FAM169A: variants seen among roughly 807,000 people sequenced by gnomAD.
FAM169A encodes soluble lamin-associated protein of 75 kDa.
In FAM169A, 24 loss-of-function variants were observed where a neutral mutation model predicts 75.7. The ratio of observed to expected loss-of-function variants is 0.32; its 90% confidence interval spans 0.23 to 0.45. FAM169A has a LOEUF of 0.45. FAM169A is among the 20% of genes least tolerant of loss of function. The probability of loss-of-function intolerance (pLI) is 1.00; values close to 1 mark genes in which losing one functional copy is unlikely to be tolerated. For missense variants in FAM169A, 673 were observed against 784.0 expected, an observed-to-expected ratio of 0.86 and a Z score of 1.69; for synonymous variants, 271 against 271.0, an observed-to-expected ratio of 1.00 and a Z score of 0.00.
intron 6 of FAM169A, among the ~76,000 whole-genome samples, chr5:74,813,326 G>T (rs551544687): frequency 6.6e-6 from 1 of 151,816 alleles, no homozygotes; most frequent in East Asian, 1.9e-4. Flanking sequence ...GTTTTGTTTG[G>T]TTTGGGATTT....
intron 5 of FAM169A, among the ~76,000 whole-genome samples, chr5:74,833,102 T>C (rs1283626796): frequency 1.3e-5 from 2 of 152,106 alleles, no homozygotes; most frequent in African/African-American, 4.8e-5. Context: ...GTGTCTTTCA[T>C]AGAAAGAAGC....
At chr5:74,799,727 G>C in intron 10 of FAM169A, 2 of 1,183,918 alleles carry the variant, frequency 1.7e-6, no homozygotes, top group Non-Finnish European at 2.5e-6. Context: ...TGAAGACGGA[G>C]TTCCAGCTGC....
chr5:74,843,043 C>T (rs898894490), intron 1 of FAM169A, among the ~76,000 whole-genome samples: 1 of 149,306 alleles, frequency 6.7e-6, no homozygotes, highest in Admixed American at 6.7e-5. Context: ...ATACATACAA[C>T]GTAACAGTAA....
intron 5 of FAM169A, among the ~76,000 whole-genome samples, chr5:74,823,408 C>T (rs1747862195): frequency 6.6e-6 from 1 of 152,154 alleles, no homozygotes; most frequent in African/African-American, 2.4e-5. Flanking sequence ...ATCACTTTCC[C>T]AGTCACACCT....
intron 1 of FAM169A, among the ~76,000 whole-genome samples, chr5:74,842,128 T>TA (rs971383421): frequency 1.1e-4 from 16 of 150,458 alleles, no homozygotes; most frequent in Non-Finnish European, 1.9e-4. Flanking sequence ...AAAAAAAATC[T>TA]AAAAAAAATC....
In FAM169A at chr5:74,777,663, A is replaced by G. The variant is rs886839986; in HGVS notation, c.*3797T>C. Reference sequence around the variant, plus strand: ...ATTGTGCCTTTAACAAAGTCATTCAATGTCTAAACAAATTCAGTATCTGAA... The same window carrying G: ...ATTGTGCCTTTAACAAAGTCATTCAGTGTCTAAACAAATTCAGTATCTGAA... On this transcript the variant is annotated 3_prime_UTR_variant, in exon 13 of 13. Coordinates refer to ENST00000687041, the MANE Select transcript of FAM169A (RefSeq NM_001376049.1). 2.6e-5 allele frequency: 4 copies of G among 152,078 alleles called. No individual in the cohort carries two copies. The highest frequency in any genetic ancestry group is 4.8e-5 in the African/African-American group (2 of 41,454). The allele number at this position is 152,078 out of a possible 1,614,324, so 9.4% of individuals were successfully genotyped here. A position where few individuals can be genotyped will look rare whatever the true frequency, so the allele number is the denominator to read the frequency against.
chr5:74,839,212 C>G (rs1474808705), intron 3 of FAM169A, among the ~76,000 whole-genome samples, 162 bp from the exon 4 acceptor site: 1 of 151,968 alleles, frequency 6.6e-6, no homozygotes, highest in Non-Finnish European at 1.5e-5. Context: ...TCATTTATAC[C>G]ATTTTTATTT....
intron 1 of FAM169A, among the ~76,000 whole-genome samples, chr5:74,843,044 G>A (rs557782339): frequency 6.6e-6 from 1 of 150,978 alleles, no homozygotes; most frequent in South Asian, 2.1e-4. Context: ...TACATACAAC[G>A]TAACAGTAAG....
At chr5:74,799,461 G>C in intron 10 of FAM169A, 1 of 1,611,820 alleles carries the variant, frequency 6.2e-7, no homozygotes. Context: ...ACAATGTTTT[G>C]CTGGCAGCAG....
intron 10 of FAM169A, chr5:74,799,700 G>A: frequency 8.0e-7 from 1 of 1,256,470 alleles, no homozygotes; most frequent in Non-Finnish European, 1.2e-6. Flanking sequence ...GCCTCAAAAA[G>A]TGTGCATGTC....
chr5:74,863,827 C>T (rs1409897776), intron 1 of FAM169A, among the ~76,000 whole-genome samples: 1 of 151,854 alleles, frequency 6.6e-6, no homozygotes, highest in Non-Finnish European at 1.5e-5. Flanking sequence ...ATAACAGAAT[C>T]AATGTAAAAG....
intron 5 of FAM169A, among the ~76,000 whole-genome samples, chr5:74,829,680 T>C (rs6897698): frequency 0.23 from 35,211 of 151,918 alleles, 4,299 homozygotes; most frequent in Middle Eastern, 0.3. Flanking sequence ...AAACGACCCT[T>C]TACAAGAAGC....
intron 11 of FAM169A, among the ~76,000 whole-genome samples, chr5:74,789,810 G>A (rs1745883384): frequency 6.6e-6 from 1 of 152,222 alleles, no homozygotes; most frequent in Non-Finnish European, 1.5e-5. Flanking sequence ...GAATCGCAGT[G>A]GAGGCCTCTA....
intron 8 of FAM169A, among the ~76,000 whole-genome samples, chr5:74,802,248 A>G (rs545539372): frequency 2.6e-5 from 4 of 152,198 alleles, no homozygotes; most frequent in Non-Finnish European, 4.4e-5. Flanking sequence ...GCTTTAGTTT[A>G]TATCTTTAGT....
At chr5:74,801,478 G>T in intron 9 of FAM169A, 112 bp downstream of exon 9, 1 of 860,158 alleles carries the variant, frequency 1.2e-6, no homozygotes, top group Non-Finnish European at 1.9e-6. Flanking sequence ...AGCTGGTTAA[G>T]TCTTCACTTT....
At chr5:74,821,737 A>T (rs1197663716) in intron 5 of FAM169A, among the ~76,000 whole-genome samples, 1 of 152,210 alleles carries the variant, frequency 6.6e-6, no homozygotes. Flanking sequence ...TCCTCCTCAC[A>T]ATCATGAAGG....
intron 11 of FAM169A, among the ~76,000 whole-genome samples, chr5:74,791,218 G>A (rs1745958253): frequency 6.6e-6 from 1 of 152,204 alleles, no homozygotes; most frequent in Non-Finnish European, 1.5e-5. Context: ...TAGCAGGGCT[G>A]CGGCAAAGGT....
chr5:74,827,950 G>A (rs1748122063), intron 5 of FAM169A, among the ~76,000 whole-genome samples: 1 of 152,092 alleles, frequency 6.6e-6, no homozygotes, highest in South Asian at 2.1e-4. Context: ...ACAGAAGGGA[G>A]CCACCATGCC....
chr5:74,784,929 A>G (rs900416639), intron 11 of FAM169A, among the ~76,000 whole-genome samples: 2 of 151,826 alleles, frequency 1.3e-5, no homozygotes, highest in Admixed American at 1.3e-4. Flanking sequence ...AAAAAAAAAA[A>G]AAAAAAAATG....
Sources: gnomAD v4.1 joint callset for allele counts (sites outside exome capture counted in the v4.1 genomes callset) on GRCh38, gnomAD v4.1.1 for gene constraint, MANE v1.5 for transcripts, NCBI Gene and HGNC (gene_info 2026-07-23, HGNC 2026-07-21) for gene names.